Variants in KBTBD11 observed in about 807,000 individuals in gnomAD.
KBTBD11 encodes kelch repeat and BTB domain-containing protein 11.
For missense variants in KBTBD11, 1,390 were observed against 1,001.8 expected, an observed-to-expected ratio of 1.39 and a Z score of -5.23; for synonymous variants, 747 against 499.0, an observed-to-expected ratio of 1.50 and a Z score of -6.63.
In KBTBD11 at chr8:2,002,449, C is replaced by G. The variant is rs1175606574; in HGVS notation, c.1257C>G (p.Gly419=). ...ACGGTCACCTCTACGCCGTGGGCGGCGAGTGCCTGCTCAGCGTGGAGCGCT... is the reference window on the plus strand; with the variant it reads ...ACGGTCACCTCTACGCCGTGGGCGGGGAGTGCCTGCTCAGCGTGGAGCGCT... The part of the protein sequence containing the change: ...ALDGHLYAVG[G]ECLLSVERYD... Residue 419 remains glycine (G), a synonymous_variant, in exon 2 of 2, where the codon GGC becomes GGG. Coordinates refer to ENST00000320248, the MANE Select transcript of KBTBD11 (RefSeq NM_014867.3). This position sits in a 1 kb window ranked among gnomAD's most constrained non-coding sequence, Gnocchi z 4.1. 3 of 1,505,962 alleles carry G rather than the reference C, an allele frequency of 2.0e-6. No homozygotes were observed. The highest frequency in any genetic ancestry group is 1.8e-6 in the Non-Finnish European group (2 of 1,134,864). 93.3% of individuals were successfully genotyped at this position (1,505,962 alleles called of 1,614,324 possible). A position where few individuals can be genotyped will look rare whatever the true frequency, so the allele number is the denominator to read the frequency against.
rs1484396690 is a variant in KBTBD11 at position 2,002,107 on chromosome 8, G to A, written c.915G>A (p.Gly305=). 10 of 1,095,350 alleles carry A rather than the reference G, an allele frequency of 9.1e-6. No homozygotes were observed. The highest frequency in any genetic ancestry group is 5.1e-5 in the African/African-American group (3 of 59,296). The allele number at this position is 1,095,350 out of a possible 1,614,324, so 67.9% of individuals were successfully genotyped here. Residue 305 remains glycine (G), a synonymous_variant, in exon 2 of 2, where the codon GGG becomes GGA. Coordinates refer to ENST00000320248, the MANE Select transcript of KBTBD11 (RefSeq NM_014867.3). This position sits in a 1 kb window ranked among gnomAD's most constrained non-coding sequence, Gnocchi z 4.1. ...TGGCCGCGGCGCTCGGGCCGGCGGGGGAGCGCGCGGGCAGCCGGCCTCAGA... is the reference window on the plus strand; with the variant it reads ...TGGCCGCGGCGCTCGGGCCGGCGGGAGAGCGCGCGGGCAGCCGGCCTCAGA... ...HLLAAALGPA[G]ERAGSRPQSP...
intron 1 of KBTBD11, among the ~76,000 whole-genome samples, chr8:1,989,738 C>G (rs1390264714): frequency 6.6e-6 from 1 of 152,134 alleles, no homozygotes; most frequent in Non-Finnish European, 1.5e-5. Flanking sequence ...TGCCCCCTCA[C>G]CTCCCTTGCG....
chr8:1,977,716 A>C (rs1357016451), intron 1 of KBTBD11, among the ~76,000 whole-genome samples: 1 of 151,830 alleles, frequency 6.6e-6, no homozygotes, highest in Non-Finnish European at 1.5e-5. Flanking sequence ...TTGTAGTTTT[A>C]GTAGAGATGG....
In KBTBD11 at chr8:2,006,398, T is replaced by C. The variant is rs1202777876; in HGVS notation, c.*3334T>C. The C allele has an allele frequency of 1.2e-5, 2 of 166,998 alleles. No individual in the cohort carries two copies. The highest frequency in any genetic ancestry group is 2.9e-5 in the Non-Finnish European group (2 of 68,134). 10.3% of individuals were successfully genotyped at this position (166,998 alleles called of 1,614,324 possible). A position where few individuals can be genotyped will look rare whatever the true frequency, so the allele number is the denominator to read the frequency against. ...TTGTATTCTTGTTAATTTTAGATGC[T>C]TTCCTAGCTTACAAAAAGTTCTGTT... On this transcript the variant is annotated 3_prime_UTR_variant, in exon 2 of 2. Coordinates refer to ENST00000320248, the MANE Select transcript of KBTBD11 (RefSeq NM_014867.3).
chr8:1,988,875 T>C (rs1202775546), intron 1 of KBTBD11, among the ~76,000 whole-genome samples: 1 of 149,794 alleles, frequency 6.7e-6, no homozygotes, highest in African/African-American at 2.6e-5. Context: ...ATTATCATTA[T>C]TAACATATCA....
chr8:1,993,407 A>ATCCG (rs1816995782), intron 1 of KBTBD11, among the ~76,000 whole-genome samples: 3 of 93,144 alleles, frequency 3.2e-5, no homozygotes, highest in African/African-American at 9.2e-5. Flanking sequence ...CCATCCATCC[A>ATCCG]TCCATCCATC....
At chr8:1,984,996 T>C (rs1165888973) in intron 1 of KBTBD11, among the ~76,000 whole-genome samples, 6 of 152,212 alleles carry the variant, frequency 3.9e-5, no homozygotes, top group Admixed American at 3.9e-4. Flanking sequence ...TGGAATGGCC[T>C]GGCAGTCTGA....
chr8:2,001,295 T>A lies in KBTBD11; in HGVS notation c.103T>A (p.Cys35Ser). 6.5e-7 allele frequency: 1 copy of A among 1,526,890 alleles called. No individual in the cohort carries two copies. Among genetic ancestry groups the A allele is most frequent in the Non-Finnish European group, 8.7e-7 (1 of 1,145,428 alleles). 94.6% of individuals were successfully genotyped at this position (1,526,890 alleles called of 1,614,324 possible). Residue 35 changes from cysteine to serine, a missense_variant, in exon 2 of 2, where the codon TGC becomes AGC. Coordinates refer to ENST00000320248, the MANE Select transcript of KBTBD11 (RefSeq NM_014867.3). ...EGAASPAQTPCSLGASLCFSS... is the reference protein window; with the variant it reads ...EGAASPAQTPSSLGASLCFSS... ...CGCCGCGTCCCCGGCGCAGACACCC[T>A]GCAGTCTCGGCGCGTCCCTGTGCTT...
At chr8:1,985,266 G>C (rs1434142843) in intron 1 of KBTBD11, among the ~76,000 whole-genome samples, 1 of 152,256 alleles carries the variant, frequency 6.6e-6, no homozygotes, top group Non-Finnish European at 1.5e-5. Context: ...CCTTGGTGAG[G>C]GTGAGCTGTC....
intron 1 of KBTBD11, among the ~76,000 whole-genome samples, chr8:1,988,794 G>T (rs1445371477): frequency 3.3e-5 from 5 of 151,964 alleles, no homozygotes; most frequent in Non-Finnish European, 7.3e-5. Flanking sequence ...CTGGCGCGCT[G>T]TCTGGCACAT....
chr8:2,001,888 C>T lies in KBTBD11; in HGVS notation c.696C>T (p.Ser232=). 7.2e-7 allele frequency: 1 copy of T among 1,397,166 alleles called. No individual in the cohort carries two copies. The highest frequency in any genetic ancestry group is 9.4e-7 in the Non-Finnish European group (1 of 1,065,674). 86.5% of individuals were successfully genotyped at this position (1,397,166 alleles called of 1,614,324 possible). Residue 232 remains serine (S), a synonymous_variant, in exon 2 of 2, where the codon AGC becomes AGT. Coordinates refer to ENST00000320248, the MANE Select transcript of KBTBD11 (RefSeq NM_014867.3). ...RATDAVGPQL[S]LANCYEVLSA... is the part of the protein sequence containing the mutation. The stretch of plus-strand genomic sequence containing the variant: ...CCGACGCCGTGGGGCCGCAGCTGAG[C>T]CTGGCCAACTGCTACGAGGTCCTGA...
intron 1 of KBTBD11, among the ~76,000 whole-genome samples, chr8:1,985,840 A>C (rs540029793): frequency 6.6e-6 from 1 of 152,306 alleles, no homozygotes; most frequent in Admixed American, 6.5e-5. Flanking sequence ...CTTCATCTAT[A>C]AATCATATTT....
At position 2,003,203 on chromosome 8, in the gene KBTBD11, G is replaced by A. The variant is rs1817465317; in HGVS notation, c.*139G>A. ...TTGGACACTTCGAAGGAGCCCCGAG[G>A]ACGCTCTCAGGGCCGCTTTCGCTTT... On this transcript the variant is annotated 3_prime_UTR_variant, in exon 2 of 2. Coordinates refer to ENST00000320248, the MANE Select transcript of KBTBD11 (RefSeq NM_014867.3). The A allele has an allele frequency of 1.7e-6, 2 of 1,208,780 alleles. No individual in the cohort carries two copies. Among genetic ancestry groups the A allele is most frequent in the Non-Finnish European group, 1.0e-6 (1 of 954,920 alleles). The allele number at this position is 1,208,780 out of a possible 1,614,324, so 74.9% of individuals were successfully genotyped here. A position where few individuals can be genotyped will look rare whatever the true frequency, so the allele number is the denominator to read the frequency against.
intron 1 of KBTBD11, among the ~76,000 whole-genome samples, chr8:1,992,532 C>T (rs1354130363): frequency 6.6e-6 from 1 of 151,920 alleles, no homozygotes; most frequent in Non-Finnish European, 1.5e-5. Flanking sequence ...GTTAGAAATG[C>T]TCCCCATAGT....
At chr8:1,983,630 G>T (rs976000324) in intron 1 of KBTBD11, among the ~76,000 whole-genome samples, 31 of 152,156 alleles carry the variant, frequency 2.0e-4, no homozygotes, top group African/African-American at 7.5e-4. Context: ...ATGGGACCTG[G>T]GGCAGTTTTG....
intron 1 of KBTBD11, among the ~76,000 whole-genome samples, chr8:1,987,103 G>A (rs150568647): frequency 1.3e-5 from 2 of 150,760 alleles, no homozygotes; most frequent in East Asian, 2.0e-4. Context: ...GACACTGGAA[G>A]CCCTGTGGTC....
intron 1 of KBTBD11, among the ~76,000 whole-genome samples, chr8:1,999,872 C>T (rs1249768468): frequency 6.6e-6 from 1 of 152,218 alleles, no homozygotes; most frequent in African/African-American, 2.4e-5. Context: ...ATCACACAAT[C>T]CAGTCATGCT....
At chr8:1,993,552 CCCACCCATCCAT>C (rs1456284555) in intron 1 of KBTBD11, among the ~76,000 whole-genome samples, 48 of 84,142 alleles carry the variant, frequency 5.7e-4, no homozygotes, top group Non-Finnish European at 9.5e-4. Context: ...CACCCACCCA[CCCACCCATCCAT>C]CCATCCATCC....
At position 2,001,649 on chromosome 8, in the gene KBTBD11, G is replaced by T; in HGVS notation, c.457G>T (p.Ala153Ser). The T allele has an allele frequency of 6.8e-7, 1 of 1,477,606 alleles. No homozygotes were observed. Among genetic ancestry groups the T allele is most frequent in the Non-Finnish European group, 8.9e-7 (1 of 1,119,732 alleles). The allele number at this position is 1,477,606 out of a possible 1,614,324, so 91.5% of individuals were successfully genotyped here. The change falls in exon 2 of 2, where the codon GCG becomes TCG. Residue 153 changes from alanine to serine, a missense_variant. Ala to Ser is a moderately conservative substitution (Grantham distance 99, BLOSUM62 1). Transcript: ENST00000320248. ...VLEVSGRRLR[A>S]HKAVLAARSD... ...GGAGGTGTCGGGGCGCCGGCTGCGC[G>T]CGCACAAGGCGGTGCTGGCGGCGCG...
Sources: allele counts gnomAD v4.1 joint callset (sites outside exome capture counted in the v4.1 genomes callset), GRCh38; gene constraint gnomAD v4.1.1; non-coding constraint Gnocchi (gnomAD v3.1); transcripts MANE v1.5; gene names NCBI Gene and HGNC (gene_info 2026-07-23, HGNC 2026-07-21).